The following RXFP1 variants were observed in gnomAD, a reference collection of about 807,000 sequenced individuals.
The protein encoded by RXFP1 is relaxin family peptide receptor 1, also known as relaxin receptor 1.
In RXFP1, 73 loss-of-function variants were observed where a neutral mutation model predicts 89.8. That is an observed-to-expected ratio of 0.81 (90% CI 0.67 to 0.99). The LOEUF (loss-of-function observed/expected upper bound fraction) is 0.99. Among genes scored for constraint, RXFP1 ranks in the 50% least tolerant of loss-of-function variants. RXFP1 has a pLI of 0.00. For missense variants in RXFP1, 793 were observed against 895.5 expected, an observed-to-expected ratio of 0.89 and a Z score of 1.46; for synonymous variants, 277 against 305.5, an observed-to-expected ratio of 0.91 and a Z score of 0.97.
At chr4:158,539,308 A>C (rs1176812253) in intron 1 of RXFP1, among the ~76,000 whole-genome samples, 1 of 152,164 alleles carries the variant, frequency 6.6e-6, no homozygotes, top group Non-Finnish European at 1.5e-5. Flanking sequence ...AGGAAGGGGA[A>C]CATCACACAC....
chr4:158,626,940 T>G, intron 10 of RXFP1, 49 bp downstream of exon 10: 1 of 1,029,192 alleles, frequency 9.7e-7, no homozygotes, highest in Non-Finnish European at 1.4e-6. Flanking sequence ...TTCTTACAAA[T>G]AAAATTTAAA....
intron 1 of RXFP1, among the ~76,000 whole-genome samples, chr4:158,566,278 TA>T (rs1753517251): frequency 6.6e-6 from 1 of 152,220 alleles, no homozygotes; most frequent in African/African-American, 2.4e-5. Context: ...GTCAAAAACT[TA>T]CTTTCAAATG....
intron 9 of RXFP1, 73 bp downstream of exon 9, chr4:158,617,278 G>C (rs946491660): frequency 2.1e-5 from 24 of 1,117,248 alleles, no homozygotes; most frequent in Non-Finnish European, 3.0e-5. Flanking sequence ...CCAGATATAA[G>C]ATTGTTTTAG....
intron 2 of RXFP1, among the ~76,000 whole-genome samples, chr4:158,585,143 A>G (rs1051585249): frequency 7.2e-5 from 11 of 152,234 alleles, no homozygotes; most frequent in African/African-American, 2.4e-4. Context: ...TGCAAATGCA[A>G]AAGCAAACAT....
At chr4:158,559,734 G>T (rs1752060417) in intron 1 of RXFP1, among the ~76,000 whole-genome samples, 1 of 152,194 alleles carries the variant, frequency 6.6e-6, no homozygotes. Context: ...TCATAGAATT[G>T]CAGTTGTCTT....
In RXFP1 at chr4:158,543,613, T is replaced by C. The variant is rs180937025; in HGVS notation, c.49+21588T>C. ...ATAGAGAATCGGTAGCAACCAACAGTTTCCCTGAGCCCTCCCAGTCAGTAT... is the reference window on the plus strand; with the variant it reads ...ATAGAGAATCGGTAGCAACCAACAGCTTCCCTGAGCCCTCCCAGTCAGTAT... On this transcript the variant is annotated intron_variant, in intron 1 of 17. Coordinates refer to ENST00000307765, the MANE Select transcript of RXFP1 (RefSeq NM_021634.4). The C allele has an allele frequency of 2.0e-3, 575 of 288,312 alleles. 2 individuals are homozygous for C. The highest frequency in any genetic ancestry group is 1.8e-3 in the Non-Finnish European group (341 of 192,740). 17.9% of individuals were successfully genotyped at this position (288,312 alleles called of 1,614,324 possible).
At chr4:158,618,451 A>G (rs1204206352) in intron 9 of RXFP1, among the ~76,000 whole-genome samples, 1 of 152,064 alleles carries the variant, frequency 6.6e-6, no homozygotes, top group Non-Finnish European at 1.5e-5. Context: ...AATTAAAAAT[A>G]TAAAATTAAA....
At chr4:158,605,197 TTTCTTCC>T in intron 5 of RXFP1, 58 bp downstream of exon 5, 1 of 1,009,816 alleles carries the variant, frequency 9.9e-7, no homozygotes, top group Non-Finnish European at 1.5e-6. Flanking sequence ...GCCATGTCTT[TTTCTTCC>T]TACTTCTGTG....
intron 1 of RXFP1, among the ~76,000 whole-genome samples, chr4:158,529,065 G>A (rs942966302): frequency 2.6e-5 from 4 of 152,132 alleles, no homozygotes; most frequent in Non-Finnish European, 5.9e-5. Context: ...AGAGTAACAT[G>A]TTTCAATCCT....
Position 158,652,578 on chromosome 4 carries a change from T to C in RXFP1, c.*523T>C, listed in dbSNP as rs1028668211. On this transcript the variant is annotated 3_prime_UTR_variant, in exon 18 of 18. Transcript: ENST00000307765. ...AAATGTCTGACTGTTTGCAAAATAA[T>C]ATTCTGTTTTAAGAATCCATCTTAC... 4 of 152,246 alleles carry C rather than the reference T, an allele frequency of 2.6e-5. No individual in the cohort carries two copies. Among genetic ancestry groups the C allele is most frequent in the African/African-American group, 9.6e-5 (4 of 41,460 alleles). The allele number at this position is 152,246 out of a possible 1,614,324, so 9.4% of individuals were successfully genotyped here. A position where few individuals can be genotyped will look rare whatever the true frequency, so the allele number is the denominator to read the frequency against.
At chr4:158,554,506 T>C (rs1750842212) in intron 1 of RXFP1, among the ~76,000 whole-genome samples, 1 of 152,200 alleles carries the variant, frequency 6.6e-6, no homozygotes, top group African/African-American at 2.4e-5. Context: ...TTTTTCAACA[T>C]ACTTTGTAAC....
chr4:158,586,637 T>A (rs981427734), intron 2 of RXFP1, among the ~76,000 whole-genome samples: 56 of 152,346 alleles, frequency 3.7e-4, no homozygotes, highest in African/African-American at 1.3e-3. Context: ...TTCTTTAAAA[T>A]GCTAACTCTC....
chr4:158,548,078 G>T (rs534889648), intron 1 of RXFP1, among the ~76,000 whole-genome samples: 1 of 152,182 alleles, frequency 6.6e-6, no homozygotes, highest in Admixed American at 6.5e-5. Flanking sequence ...TTATTATGTG[G>T]GAGCCTAAGT....
At chr4:158,561,389 C>A (rs1752394913) in intron 1 of RXFP1, among the ~76,000 whole-genome samples, 1 of 152,068 alleles carries the variant, frequency 6.6e-6, no homozygotes, top group African/African-American at 2.4e-5. Flanking sequence ...AAAATGCAGT[C>A]AAAATTGTTT....
At chr4:158,630,138 A>G (rs1417561881) in intron 11 of RXFP1, among the ~76,000 whole-genome samples, 6 of 152,194 alleles carry the variant, frequency 3.9e-5, no homozygotes, top group Admixed American at 6.5e-5. Flanking sequence ...ATGTACCAGG[A>G]GCAGGAACGT....
At chr4:158,573,378 G>A (rs1314657703) in intron 2 of RXFP1, among the ~76,000 whole-genome samples, 1 of 152,184 alleles carries the variant, frequency 6.6e-6, no homozygotes, top group Admixed American at 6.5e-5. Flanking sequence ...TGCTCACAGA[G>A]TAAGTTTTAA....
chr4:158,529,777 A>G (rs958350877), intron 1 of RXFP1, among the ~76,000 whole-genome samples: 2 of 152,120 alleles, frequency 1.3e-5, no homozygotes, highest in Admixed American at 1.3e-4. Context: ...CCTTAGTCTC[A>G]CCACACCTTC....
At position 158,630,684 on chromosome 4, in the gene RXFP1, A is replaced by G. The variant is rs539559008; in HGVS notation, c.899+1975A>G. On this transcript the variant is annotated intron_variant, in intron 11 of 17. Coordinates refer to ENST00000307765, the MANE Select transcript of RXFP1 (RefSeq NM_021634.4). Reference sequence around the variant, plus strand: ...CCAAGGCCAATAATTTGTCTTGCTAATTATTAGGTGGACTTTAATGCACCT... The same window carrying G: ...CCAAGGCCAATAATTTGTCTTGCTAGTTATTAGGTGGACTTTAATGCACCT... Among the ~76,000 whole-genome samples the G allele has an allele frequency of 7.9e-5, 12 of 152,330 alleles. No homozygotes were observed. The South Asian group carries it at 2.5e-3, about 32-fold the overall frequency.
At position 158,608,036 on chromosome 4, in the gene RXFP1, A is replaced by G. The variant is rs1211296762; in HGVS notation, c.529A>G (p.Thr177Ala). ...IYAFRGLNSLTKLYLSHNRIT... is the reference protein window; with the variant it reads ...IYAFRGLNSLAKLYLSHNRIT... The stretch of plus-strand genomic sequence containing the variant: ...TGCTTTCAGAGGACTGAATAGCCTT[A>G]CTAAACTGTAAGTACCAGTGTGAAT... The change falls in exon 6 of 18, where the codon ACT (threonine) becomes GCT (alanine). Residue 177 changes from threonine (T) to alanine (A), a missense_variant. Coordinates refer to ENST00000307765, the MANE Select transcript of RXFP1 (RefSeq NM_021634.4). 1 of 1,596,894 alleles carries G rather than the reference A, an allele frequency of 6.3e-7. No homozygotes were observed. Among genetic ancestry groups the G allele is most frequent in the East Asian group, 2.2e-5 (1 of 44,580 alleles).
Sources: allele counts gnomAD v4.1 joint callset (sites outside exome capture counted in the v4.1 genomes callset), GRCh38; gene constraint gnomAD v4.1.1; transcripts MANE v1.5; gene names NCBI Gene and HGNC (gene_info 2026-07-23, HGNC 2026-07-21).